Variants in ATP6V0A4 observed in about 807,000 individuals in gnomAD.
ATP6V0A4 encodes the protein V-type proton ATPase 116 kDa subunit a 4.
ATP6V0A4 carries 86 observed loss-of-function variants against 107.3 expected under a neutral mutation model. That is an observed-to-expected ratio of 0.80 (90% confidence interval 0.67 to 0.96). The LOEUF (loss-of-function observed/expected upper bound fraction) is 0.96. ATP6V0A4 is among the 40% of genes least tolerant of loss of function. The pLI is 0.00. For missense variants in ATP6V0A4, 908 were observed against 1,045.6 expected, an observed-to-expected ratio of 0.87 and a Z score of 1.81; for synonymous variants, 353 against 381.4, an observed-to-expected ratio of 0.93 and a Z score of 0.87.
At chr7:138,793,264 C>T (rs1808510049) in intron 1 of ATP6V0A4, among the ~76,000 whole-genome samples, 1 of 152,082 alleles carries the variant, frequency 6.6e-6, no homozygotes, top group Non-Finnish European at 1.5e-5. Flanking sequence ...CACTGCATTC[C>T]AGCCTGGGCG....
At chr7:138,710,583 T>C (rs1803689388) in intron 20 of ATP6V0A4, among the ~76,000 whole-genome samples, 1 of 152,224 alleles carries the variant, frequency 6.6e-6, no homozygotes. Flanking sequence ...TTTGTAAACA[T>C]GCTATATTTC....
At chr7:138,749,430 C>A in intron 11 of ATP6V0A4, 113 bp from the exon 12 acceptor site, 1 of 1,224,296 alleles carries the variant, frequency 8.2e-7, no homozygotes, top group Non-Finnish European at 1.1e-6. Context: ...GAACTTGGGG[C>A]AATCTCTTGA....
intron 11 of ATP6V0A4, among the ~76,000 whole-genome samples, chr7:138,751,298 T>C (rs1806212060): frequency 6.6e-6 from 1 of 152,214 alleles, no homozygotes; most frequent in South Asian, 2.1e-4. Context: ...CCAAACGCAG[T>C]TCCCGAGGGC....
intron 2 of ATP6V0A4, among the ~76,000 whole-genome samples, chr7:138,771,763 G>A (rs908719477): frequency 4.8e-4 from 73 of 152,126 alleles, no homozygotes; most frequent in Non-Finnish European, 2.9e-4. Context: ...GGGACTGCAG[G>A]TGTGCACCAC....
At chr7:138,790,035 A>G (rs1808338560) in intron 1 of ATP6V0A4, among the ~76,000 whole-genome samples, 1 of 151,938 alleles carries the variant, frequency 6.6e-6, no homozygotes, top group Admixed American at 6.6e-5. Flanking sequence ...TAATATACAC[A>G]TTCATTATTT....
At chr7:138,736,705 G>A (rs2117249152) in intron 15 of ATP6V0A4, among the ~76,000 whole-genome samples, 1 of 152,068 alleles carries the variant, frequency 6.6e-6, no homozygotes, top group East Asian at 1.9e-4. Context: ...CCAAGTAGCT[G>A]GGATTACAGG....
chr7:138,715,953 G>A, intron 19 of ATP6V0A4, 72 bp from the exon 20 acceptor site: 3 of 1,581,328 alleles, frequency 1.9e-6, no homozygotes. Flanking sequence ...ATGATGCAAA[G>A]ATGAATAAGA....
rs146795432 is a variant in ATP6V0A4 at position 138,740,512 on chromosome 7, C to T, written c.1479-879G>A. 3.4e-3 allele frequency among the ~76,000 whole-genome samples: 509 copies of T among 149,776 alleles called. 6 individuals are homozygous for T. Among genetic ancestry groups the T allele is most frequent in the African/African-American group, 0.012 (482 of 40,620 alleles). ...CACGATCTTGGCTCACTGCAACCTC[C>T]GCCACCCCCACCCCCCAACCCCAGG... On this transcript the variant is annotated intron_variant, in intron 14 of 21. Transcript: ENST00000310018.
intron 2 of ATP6V0A4, among the ~76,000 whole-genome samples, chr7:138,775,786 G>T (rs1019084293): frequency 9.2e-5 from 14 of 151,852 alleles, no homozygotes; most frequent in Non-Finnish European, 2.1e-4. Context: ...AAGTAGCTGG[G>T]ACTATAGGCG....
intron 14 of ATP6V0A4, among the ~76,000 whole-genome samples, chr7:138,744,708 T>G (rs1417389439): frequency 1.1e-5 from 1 of 94,164 alleles, no homozygotes; most frequent in African/African-American, 3.9e-5. Flanking sequence ...TTTTTCTTTT[T>G]CTTTTTTTTT....
At chr7:138,768,924 T>A in intron 4 of ATP6V0A4, 50 bp from the exon 5 acceptor site, 2 of 1,610,252 alleles carry the variant, frequency 1.2e-6, no homozygotes, top group South Asian at 1.1e-5. Flanking sequence ...TGTTTTCTCA[T>A]AACTAAGAAA....
intron 15 of ATP6V0A4, among the ~76,000 whole-genome samples, chr7:138,734,667 A>G (rs28691054): frequency 0.056 from 8,481 of 151,624 alleles, 620 homozygotes; most frequent in African/African-American, 0.17. Flanking sequence ...AATCCCAACT[A>G]CTCAGGAGGC....
chr7:138,796,520 C>T (rs1808670833), intron 1 of ATP6V0A4, among the ~76,000 whole-genome samples: 1 of 152,192 alleles, frequency 6.6e-6, no homozygotes, highest in Non-Finnish European at 1.5e-5. Flanking sequence ...TGCGCAGGAA[C>T]ACTTCCACAC....
chr7:138,797,947 A>G, intron 1 of ATP6V0A4, 87 bp downstream of exon 1: 3 of 1,534,160 alleles, frequency 2.0e-6, no homozygotes, highest in Non-Finnish European at 2.6e-6. Flanking sequence ...CCTTTGCTCC[A>G]CCCCATGGTG....
At chr7:138,734,757 G>A (rs1273329514) in intron 15 of ATP6V0A4, among the ~76,000 whole-genome samples, 6 of 130,148 alleles carry the variant, frequency 4.6e-5, no homozygotes, top group African/African-American at 1.5e-4. Flanking sequence ...CAGCCTGGGC[G>A]AAAGAGCAAG....
At chr7:138,732,806 A>G (rs1805087490) in intron 17 of ATP6V0A4, 71 bp downstream of exon 17, 3 of 1,403,350 alleles carry the variant, frequency 2.1e-6, no homozygotes, top group Non-Finnish European at 2.9e-6. Flanking sequence ...AAAAAAAAAA[A>G]GAGTAGGAGA....
At chr7:138,792,766 G>GTTTTTTTTT (rs1202969668) in intron 1 of ATP6V0A4, among the ~76,000 whole-genome samples, 4 of 68,706 alleles carry the variant, frequency 5.8e-5, no homozygotes, top group African/African-American at 6.4e-5. Flanking sequence ...ACTCAGGTTT[G>GTTTTTTTTT]TTTTTTTTTT....
At chr7:138,763,315 C>G (rs1806924176) in intron 5 of ATP6V0A4, among the ~76,000 whole-genome samples, 1 of 152,158 alleles carries the variant, frequency 6.6e-6, no homozygotes, top group African/African-American at 2.4e-5. Flanking sequence ...TTTGGCAAAT[C>G]ATGCCTCCTC....
chr7:138,733,232 A>AC (rs762913168), intron 16 of ATP6V0A4, 139 bp from the exon 17 acceptor site: 197 of 1,278,208 alleles, frequency 1.5e-4, no homozygotes, highest in African/African-American at 3.7e-4. Context: ...GGCACCCCCC[A>AC]CCCCCCCAGC....
Sources: allele counts gnomAD v4.1 joint callset (sites outside exome capture counted in the v4.1 genomes callset), GRCh38; gene constraint gnomAD v4.1.1; transcripts MANE v1.5; gene names NCBI Gene and HGNC (gene_info 2026-07-23, HGNC 2026-07-21).